MRPL1: variants seen among roughly 807,000 people sequenced by gnomAD.
MRPL1 encodes large ribosomal subunit protein uL1m.
MRPL1 carries 28 observed loss-of-function variants against 38.0 expected under a neutral mutation model. That is an observed-to-expected ratio of 0.74 (90% CI 0.55 to 1.01). The LOEUF is 1.01. Among genes scored for constraint, MRPL1 ranks in the 50% least tolerant of loss-of-function variants. The pLI is 0.00. For synonymous variants in MRPL1, 123 were observed against 126.7 expected (o/e 0.97, Z 0.20); for missense variants, 358 against 389.8 (o/e 0.92, Z 0.69).
At chr4:77,910,870 C>A (rs976729671) in intron 7 of MRPL1, among the ~76,000 whole-genome samples, 2 of 152,152 alleles carry the variant, frequency 1.3e-5, no homozygotes, top group African/African-American at 4.8e-5. Flanking sequence ...GAGCTCTGCT[C>A]CAGTCTAATG....
chr4:77,927,688 T>C (rs1736745945), intron 7 of MRPL1, among the ~76,000 whole-genome samples: 1 of 151,998 alleles, frequency 6.6e-6, no homozygotes, highest in Admixed American at 6.5e-5. Context: ...CTAAGTACAA[T>C]TGAAATGATG....
chr4:77,901,808 A>C (rs767320315), intron 6 of MRPL1, among the ~76,000 whole-genome samples: 1 of 152,196 alleles, frequency 6.6e-6, no homozygotes, highest in Non-Finnish European at 1.5e-5. Flanking sequence ...TAGACAGAAA[A>C]TTAGTAAGGA....
At chr4:77,935,023 G>A (rs1487309403) in intron 7 of MRPL1, among the ~76,000 whole-genome samples, 7 of 152,212 alleles carry the variant, frequency 4.6e-5, no homozygotes, top group Non-Finnish European at 1.0e-4. Context: ...AGGGGCTGGA[G>A]GAAGGGGGCA....
At chr4:77,871,002 ATAAAT>A (rs1363440102) in intron 1 of MRPL1, among the ~76,000 whole-genome samples, 1 of 152,172 alleles carries the variant, frequency 6.6e-6, no homozygotes, top group Non-Finnish European at 1.5e-5. Flanking sequence ...AAATGAACAA[ATAAAT>A]TAAGAAATTT....
chr4:77,910,230 G>T (rs1189122043), intron 7 of MRPL1, among the ~76,000 whole-genome samples: 1 of 152,160 alleles, frequency 6.6e-6, no homozygotes, highest in East Asian at 1.9e-4. Context: ...GGCAGAATAA[G>T]CATTTGAACT....
intron 7 of MRPL1, among the ~76,000 whole-genome samples, chr4:77,944,088 T>G (rs561467137): frequency 6.6e-6 from 1 of 152,356 alleles, no homozygotes; most frequent in East Asian, 1.9e-4. Flanking sequence ...TCCACTGATG[T>G]AGTGCTCCCC....
At chr4:77,863,059 C>G in intron 1 of MRPL1, 180 bp downstream of exon 1, 1 of 707,576 alleles carries the variant, frequency 1.4e-6, no homozygotes, top group Non-Finnish European at 2.3e-6. Context: ...GGTTTCACTC[C>G]ATTCTGGAGA....
intron 7 of MRPL1, among the ~76,000 whole-genome samples, chr4:77,934,137 A>C (rs1365303621): frequency 6.6e-6 from 1 of 152,242 alleles, no homozygotes; most frequent in Non-Finnish European, 1.5e-5. Flanking sequence ...GAAAGAAGCC[A>C]GTCTGAAATT....
At chr4:77,922,046 G>A (rs545877643) in intron 7 of MRPL1, among the ~76,000 whole-genome samples, 2 of 152,204 alleles carry the variant, frequency 1.3e-5, no homozygotes, top group South Asian at 2.1e-4. Context: ...TGGGATAGAC[G>A]TGTAGATGGT....
At chr4:77,868,908 A>G (rs2110227782) in intron 1 of MRPL1, among the ~76,000 whole-genome samples, 1 of 152,346 alleles carries the variant, frequency 6.6e-6, no homozygotes, top group African/African-American at 2.4e-5. Flanking sequence ...CTTTGTTCAA[A>G]GAGCCAAGTT....
At chr4:77,911,942 A>G (rs1736298678) in intron 7 of MRPL1, among the ~76,000 whole-genome samples, 1 of 152,204 alleles carries the variant, frequency 6.6e-6, no homozygotes, top group Non-Finnish European at 1.5e-5. Context: ...TTAACATTCA[A>G]CAATTAATCA....
At chr4:77,877,297 T>C (rs1033763951) in intron 2 of MRPL1, among the ~76,000 whole-genome samples, 1 of 152,136 alleles carries the variant, frequency 6.6e-6, no homozygotes, top group Non-Finnish European at 1.5e-5. Flanking sequence ...CAAACAGGCA[T>C]GCCCCTTCAT....
chr4:77,910,013 T>A (rs1736248105), intron 7 of MRPL1, among the ~76,000 whole-genome samples: 1 of 152,210 alleles, frequency 6.6e-6, no homozygotes, highest in Non-Finnish European at 1.5e-5. Flanking sequence ...GTTCATTTAC[T>A]ATAGGAATAA....
At chr4:77,905,766 T>A (rs1459278986) in intron 6 of MRPL1, among the ~76,000 whole-genome samples, 1 of 152,208 alleles carries the variant, frequency 6.6e-6, no homozygotes, top group Non-Finnish European at 1.5e-5. Context: ...ACCTTCACTT[T>A]AGTATGTTTT....
At chr4:77,883,556 T>C (rs1735599788) in intron 3 of MRPL1, 56 bp downstream of exon 3, 1 of 1,440,078 alleles carries the variant, frequency 6.9e-7, no homozygotes. Flanking sequence ...TATGAATTGG[T>C]GTTTCTTTAT....
chr4:77,939,457 A>G (rs1737067262), intron 7 of MRPL1, among the ~76,000 whole-genome samples: 1 of 152,068 alleles, frequency 6.6e-6, no homozygotes, highest in Admixed American at 6.5e-5. Flanking sequence ...TCTGATGTAT[A>G]GATTGCAAAG....
chr4:77,935,417 C>T (rs1402739199), intron 7 of MRPL1, among the ~76,000 whole-genome samples: 6 of 151,796 alleles, frequency 4.0e-5, no homozygotes, highest in South Asian at 4.2e-4. Context: ...CTTTTTGAGA[C>T]GGAGTCTCGC....
At chr4:77,909,419 C>A in intron 7 of MRPL1, 47 bp downstream of exon 7, 5 of 1,184,750 alleles carry the variant, frequency 4.2e-6, no homozygotes, top group South Asian at 4.0e-5. Flanking sequence ...TTTTGTTGTT[C>A]AAGTATTCTT....
At position 77,871,740 on chromosome 4, in the gene MRPL1, C is replaced by A. The variant is rs906165440; in HGVS notation, c.32-4C>A. ...TTAATATTTTACATGTTTTTCCTTTCAAGCCTTGATACATCATCAAAGGCA... is the reference window on the plus strand; with the variant it reads ...TTAATATTTTACATGTTTTTCCTTTAAAGCCTTGATACATCATCAAAGGCA... On this transcript the variant is annotated splice_region_variant and splice_polypyrimidine_tract_variant and intron_variant, in intron 1 of 8. Coordinates refer to ENST00000315567, the MANE Select transcript of MRPL1 (RefSeq NM_020236.4). The A allele has an allele frequency of 1.4e-6, 2 of 1,429,708 alleles. No homozygotes were observed. Among genetic ancestry groups the A allele is most frequent in the Admixed American group, 2.5e-5 (1 of 40,570 alleles). 88.6% of individuals were successfully genotyped at this position (1,429,708 alleles called of 1,614,324 possible).
Sources: allele counts gnomAD v4.1 joint callset (sites outside exome capture counted in the v4.1 genomes callset), GRCh38; gene constraint gnomAD v4.1.1; transcripts MANE v1.5; gene names NCBI Gene and HGNC (gene_info 2026-07-23, HGNC 2026-07-21).